KLC1: variants seen among roughly 807,000 people sequenced by gnomAD.
KLC1 encodes the protein kinesin light chain 1.
A neutral mutation model predicts 84.2 loss-of-function variants in KLC1; 30 were observed. That is an observed-to-expected ratio of 0.36 (90% CI 0.27 to 0.48). The LOEUF (loss-of-function observed/expected upper bound fraction) is 0.48, where lower values mean the gene tolerates loss of function less well. Among genes scored for constraint, KLC1 ranks in the 20% least tolerant of loss-of-function variants. The pLI is 0.99. For missense variants in KLC1, 499 were observed against 805.4 expected, an observed-to-expected ratio of 0.62 and a Z score of 4.60; for synonymous variants, 289 against 293.3, an observed-to-expected ratio of 0.99 and a Z score of 0.15.
At chr14:103,654,539 A>G (rs2078702168) in intron 1 of KLC1, 25 bp from the exon 2 acceptor site, 1 of 1,561,276 alleles carries the variant, frequency 6.4e-7, no homozygotes, top group African/African-American at 1.4e-5. Flanking sequence ...GAGGGATCTA[A>G]TTTCTTTTTC....
At chr14:103,661,084 G>A (rs967696707) in intron 3 of KLC1, among the ~76,000 whole-genome samples, 3 of 152,192 alleles carry the variant, frequency 2.0e-5, no homozygotes, top group African/African-American at 4.8e-5. Context: ...TAGTGGCATA[G>A]CATGTGCCAC....
At chr14:103,643,070 C>G (rs1327411022) in intron 1 of KLC1, among the ~76,000 whole-genome samples, 1 of 152,074 alleles carries the variant, frequency 6.6e-6, no homozygotes, top group Non-Finnish European at 1.5e-5. Context: ...CATGCCCAGC[C>G]AAGAATGTAT....
intron 1 of KLC1, among the ~76,000 whole-genome samples, chr14:103,636,951 G>A (rs35921969): frequency 0.28 from 42,386 of 149,842 alleles, 6,671 homozygotes; most frequent in East Asian, 0.35. Flanking sequence ...GGATGGTCTC[G>A]ATCTCCTGAC....
intron 3 of KLC1, among the ~76,000 whole-genome samples, chr14:103,660,891 A>G (rs549215914): frequency 4.5e-4 from 68 of 152,358 alleles, no homozygotes; most frequent in South Asian, 8.3e-4. Flanking sequence ...CGATGCCAGC[A>G]GTGATTGACC....
intron 1 of KLC1, among the ~76,000 whole-genome samples, chr14:103,632,604 G>A (rs1043569144): frequency 3.3e-5 from 5 of 151,718 alleles, no homozygotes; most frequent in Admixed American, 6.6e-5. Context: ...GCCTCTAATC[G>A]CAGCTACTCA....
chr14:103,655,801 A>T (rs1201507979), intron 2 of KLC1, among the ~76,000 whole-genome samples: 1 of 151,976 alleles, frequency 6.6e-6, no homozygotes, highest in Admixed American at 6.6e-5. Flanking sequence ...GTAGAAACTA[A>T]AATGTTGGCC....
At chr14:103,653,067 A>G (rs968783338) in intron 1 of KLC1, among the ~76,000 whole-genome samples, 1 of 152,180 alleles carries the variant, frequency 6.6e-6, no homozygotes, top group Non-Finnish European at 1.5e-5. Context: ...TCCATTCACT[A>G]CATGGACTTT....
At chr14:103,673,675 G>A (rs1224526500) in intron 9 of KLC1, among the ~76,000 whole-genome samples, 1 of 152,174 alleles carries the variant, frequency 6.6e-6, no homozygotes, top group Non-Finnish European at 1.5e-5. Flanking sequence ...TGTAATTCCA[G>A]CACTTTGGGA....
intron 13 of KLC1, among the ~76,000 whole-genome samples, chr14:103,681,390 A>G (rs1010339706): frequency 2.6e-5 from 4 of 152,126 alleles, no homozygotes; most frequent in Middle Eastern, 3.2e-3. Context: ...TTGGCCTCCA[A>G]CCCCACAACT....
At position 103,686,170 on chromosome 14, in the gene KLC1, C is replaced by T. The variant is rs1057402243; in HGVS notation, c.1651-911C>T. On this transcript the variant is annotated intron_variant, in intron 13 of 16. Transcript: ENST00000334553. ...GCTTTTCTCTACTAATCTTGAAGTG[C>T]TCAGTGATTTGTGTATTTGTGTCTT... 3 of 988,128 alleles carry T rather than the reference C, an allele frequency of 3.0e-6. No individual in the cohort carries two copies. In the African/African-American group the frequency reaches 5.2e-5, roughly 17 times the overall value. 61.2% of individuals were successfully genotyped at this position (988,128 alleles called of 1,614,324 possible). A position where few individuals can be genotyped will look rare whatever the true frequency, so the allele number is the denominator to read the frequency against.
intron 2 of KLC1, 28 bp downstream of exon 2, chr14:103,654,853 T>C (rs770270419): frequency 3.8e-6 from 6 of 1,590,700 alleles, no homozygotes; most frequent in Non-Finnish European, 5.1e-6. Flanking sequence ...TCAGACGTTA[T>C]CAGGAACTTT....
rs555163743 is a variant in KLC1 at position 103,678,095 on chromosome 14, A to G, written c.1488+572A>G. On this transcript the variant is annotated intron_variant, in intron 12 of 16. Transcript: ENST00000334553. Reference sequence around the variant, plus strand: ...TTCGAGACCAGCCTGGCTAGCATGGAAAAACCCCATCTCTACTAAAAACAC... The same window carrying G: ...TTCGAGACCAGCCTGGCTAGCATGGGAAAACCCCATCTCTACTAAAAACAC... Among the ~76,000 whole-genome samples the G allele has an allele frequency of 5.9e-5, 9 of 152,054 alleles. No homozygotes were observed. In the East Asian group the frequency reaches 1.7e-3, roughly 29 times the overall value.
Position 103,662,941 on chromosome 14 carries a change from G to C in KLC1, c.797+14G>C, listed in dbSNP as rs2079405417. On this transcript the variant is annotated intron_variant, in intron 5 of 16. Coordinates refer to ENST00000334553, the MANE Select transcript of KLC1 (RefSeq NM_001394837.1). ...CTTGGTGTACAGGCTAGTCACTTTT[G>C]TTTACCTACTGAATTTTACCTAGAG... 1 of 1,566,318 alleles carries C rather than the reference G, an allele frequency of 6.4e-7. No individual in the cohort carries two copies. Among genetic ancestry groups the C allele is most frequent in the Admixed American group, 1.9e-5 (1 of 51,978 alleles).
intron 13 of KLC1, among the ~76,000 whole-genome samples, chr14:103,684,602 AG>A (rs1395564979): frequency 6.6e-6 from 1 of 152,180 alleles, no homozygotes; most frequent in African/African-American, 2.4e-5. Flanking sequence ...AGGGAGGAGG[AG>A]GCAGCTGGGT....
intron 3 of KLC1, among the ~76,000 whole-genome samples, chr14:103,661,344 G>A (rs543794691): frequency 1.3e-5 from 2 of 152,294 alleles, no homozygotes; most frequent in South Asian, 4.1e-4. Context: ...GTGGAATGGG[G>A]TCTCTGTCTC....
chr14:103,685,223 A>C (rs2081688800), intron 13 of KLC1: 1 of 1,413,122 alleles, frequency 7.1e-7, no homozygotes, highest in African/African-American at 1.4e-5. Flanking sequence ...AGTTTCTGAA[A>C]TGTCTAAAAT....
chr14:103,696,801 G>A (rs2082563638), intron 15 of KLC1: 1 of 985,508 alleles, frequency 1.0e-6, no homozygotes, highest in Non-Finnish European at 1.2e-6. Context: ...CCCTGAGGGA[G>A]GGTCTTCAGG....
At chr14:103,650,842 G>A (rs540003929) in intron 1 of KLC1, among the ~76,000 whole-genome samples, 24 of 152,046 alleles carry the variant, frequency 1.6e-4, no homozygotes, top group Non-Finnish European at 3.1e-4. Flanking sequence ...GCCTCCCAAA[G>A]TGCTGGGATT....
At chr14:103,679,607 C>A in intron 13 of KLC1, 62 bp downstream of exon 13, 1 of 1,285,748 alleles carries the variant, frequency 7.8e-7, no homozygotes, top group Non-Finnish European at 1.1e-6. Context: ...GCTTGCCAGG[C>A]CTTCCTCCTG....
Sources: gnomAD v4.1 joint callset for allele counts (sites outside exome capture counted in the v4.1 genomes callset) on GRCh38, gnomAD v4.1.1 for gene constraint, MANE v1.5 for transcripts, NCBI Gene and HGNC (gene_info 2026-07-23, HGNC 2026-07-21) for gene names.